ZNF318: variants seen among roughly 807,000 people sequenced by gnomAD.
ZNF318 encodes endocrine regulator.
A neutral mutation model predicts 124.2 loss-of-function variants in ZNF318; 51 were observed. The ratio of observed to expected loss-of-function variants is 0.41; its 90% CI spans 0.33 to 0.52. ZNF318 has a LOEUF of 0.52. ZNF318 is among the 20% of genes least tolerant of loss of function. The pLI is 0.23. For synonymous variants in ZNF318, 1,090 were observed against 1,040.7 expected (o/e 1.05, Z -0.91); for missense variants, 2,815 against 2,811.2 (o/e 1.00, Z -0.03).
At chr6:43,365,936 A>G (rs1779755100) in intron 1 of ZNF318, among the ~76,000 whole-genome samples, 2 of 152,194 alleles carry the variant, frequency 1.3e-5, no homozygotes, top group Admixed American at 1.3e-4. Context: ...GTGACCTCTC[A>G]TTCTTACTGG....
intron 2 of ZNF318, among the ~76,000 whole-genome samples, chr6:43,358,077 A>G (rs529644820): frequency 6.6e-6 from 1 of 152,294 alleles, no homozygotes; most frequent in African/African-American, 2.4e-5. Flanking sequence ...TTTGCTACTG[A>G]AAGTGTAGTG....
chr6:43,354,565 G>C (rs929111696), intron 4 of ZNF318, 99 bp downstream of exon 4: 28 of 1,144,900 alleles, frequency 2.4e-5, no homozygotes, highest in Admixed American at 2.3e-5. Context: ...GACTTCAAGT[G>C]AAAGAGCCTT....
intron 5 of ZNF318, among the ~76,000 whole-genome samples, chr6:43,351,486 T>C (rs1013990088): frequency 6.6e-6 from 1 of 152,094 alleles, no homozygotes; most frequent in Non-Finnish European, 1.5e-5. Flanking sequence ...AAAAGGCCAG[T>C]GCAGTGACTC....
At chr6:43,356,990 TAGA>T in intron 3 of ZNF318, 133 bp downstream of exon 3, 1 of 1,054,924 alleles carries the variant, frequency 9.5e-7, no homozygotes, top group African/African-American at 1.6e-5. Context: ...TGGAGAGTCC[TAGA>T]AGGTGTAGCT....
intron 6 of ZNF318, among the ~76,000 whole-genome samples, chr6:43,347,074 AGGATGTCAG>A (rs1359317121): frequency 1.2e-4 from 18 of 152,240 alleles, no homozygotes; most frequent in African/African-American, 3.6e-4. Context: ...GAATCAGAGA[AGGATGTCAG>A]GGAAGTAATT....
At chr6:43,364,750 A>T (rs578078700) in intron 2 of ZNF318, among the ~76,000 whole-genome samples, 1 of 152,274 alleles carries the variant, frequency 6.6e-6, no homozygotes, top group Non-Finnish European at 1.5e-5. Flanking sequence ...TCAGCACTCA[A>T]TAGTTGTAAA....
chr6:43,352,628 C>T (rs907551046), intron 4 of ZNF318, 152 bp from the exon 5 acceptor site: 18 of 672,384 alleles, frequency 2.7e-5, no homozygotes, highest in Admixed American at 1.7e-4. Flanking sequence ...AGTAATATTT[C>T]GTTCTAAGTT....
chr6:43,357,643 T>G lies in ZNF318; in HGVS notation c.671A>C (p.Tyr224Ser). ...SPFLGQLDED[Y>S]RTKETFLHRS... The stretch of plus-strand genomic sequence containing the variant: ...ATGCAGGAAAGTTTCTTTTGTTCGG[T>G]AGTCCTCATCAAGTTGTCCCAAGAA... Residue 224 changes from tyrosine to serine, a missense_variant, in exon 3 of 10, where the codon TAC becomes TCC. By Grantham distance (144) the Tyr-to-Ser change is moderately radical. Coordinates refer to ENST00000361428, the MANE Select transcript of ZNF318 (RefSeq NM_014345.3). 6.2e-7 allele frequency: 1 copy of G among 1,614,062 alleles called. No individual in the cohort carries two copies. The highest frequency in any genetic ancestry group is 8.5e-7 in the Non-Finnish European group (1 of 1,180,016).
In ZNF318 at chr6:43,357,658, T is replaced by C. The variant is rs547023194; in HGVS notation, c.656A>G (p.Gln219Arg). 6.2e-7 allele frequency: 1 copy of C among 1,614,036 alleles called. No individual in the cohort carries two copies. The highest frequency in any genetic ancestry group is 1.1e-5 in the South Asian group (1 of 91,066). ...TTTTGTTCGGTAGTCCTCATCAAGT[T>C]GTCCCAAGAAGGGACTGAGAGGCCC... is the stretch of plus-strand genomic sequence containing the variant. Reference protein sequence around the residue: ...EEGPLSPFLGQLDEDYRTKET... With the variant: ...EEGPLSPFLGRLDEDYRTKET... Residue 219 changes from glutamine (Q) to arginine (R), a missense_variant, in exon 3 of 10, where the codon CAA (glutamine) becomes CGA (arginine). Around this residue, in one of 4 missense-constraint regions of ZNF318, gnomAD observed 1,377 missense variants for 1,353.5 expected, o/e 1.02. Transcript: ENST00000361428.
At position 43,355,257 on chromosome 6, in the gene ZNF318, G is replaced by A. The variant is rs780114917; in HGVS notation, c.2077C>T (p.His693Tyr). The A allele has an allele frequency of 6.2e-7, 1 of 1,614,172 alleles. No individual in the cohort carries two copies. The highest frequency in any genetic ancestry group is 8.5e-7 in the Non-Finnish European group (1 of 1,180,028). ...HSNTHSPEVS[H>Y]PHPPSPVDPY... Reference sequence around the variant, plus strand: ...TCCACAGGAGAAGGTGGGTGTGGATGGGACACCTCTGGAGAGTGGGTATTG... The same window carrying A: ...TCCACAGGAGAAGGTGGGTGTGGATAGGACACCTCTGGAGAGTGGGTATTG... The change falls in exon 4 of 10, where the codon CAT (histidine) becomes TAT (tyrosine). Residue 693 changes from histidine to tyrosine, a missense_variant. By Grantham distance (83) the His-to-Tyr change is moderately conservative. Transcript: ENST00000361428.
rs1232827855 is a variant in ZNF318, at chr6:43,336,229, G to A, written c.*929C>T. ...TGGGAAAGGAGGAGGTAGAGGAAAGGATACATATGGGTTTGTGGAACAGGG... is the reference window on the plus strand; with the variant it reads ...TGGGAAAGGAGGAGGTAGAGGAAAGAATACATATGGGTTTGTGGAACAGGG... On this transcript the variant is annotated 3_prime_UTR_variant, in exon 10 of 10. Coordinates refer to ENST00000361428, the MANE Select transcript of ZNF318 (RefSeq NM_014345.3). 1 of 152,600 alleles carries A rather than the reference G, an allele frequency of 6.6e-6. No homozygotes were observed. Among genetic ancestry groups the A allele is most frequent in the African/African-American group, 2.4e-5 (1 of 41,428 alleles). The allele number at this position is 152,600 out of a possible 1,614,324, so 9.5% of individuals were successfully genotyped here. A position where few individuals can be genotyped will look rare whatever the true frequency, so the allele number is the denominator to read the frequency against.
Position 43,357,518 on chromosome 6 carries a change from C to T in ZNF318, c.796G>A (p.Glu266Lys). The change falls in exon 3 of 10, where the codon GAA becomes AAA. Residue 266 changes from glutamate to lysine, a missense_variant. Physicochemically the swap from Glu to Lys is moderately conservative, Grantham distance 56. Around this residue, in one of 4 missense-constraint regions of ZNF318, gnomAD observed 1,377 missense variants for 1,353.5 expected, o/e 1.02. Coordinates refer to ENST00000361428, the MANE Select transcript of ZNF318 (RefSeq NM_014345.3). ...KLKGYSIRSEERSREAKRPRY... is the reference protein window; with the variant it reads ...KLKGYSIRSEKRSREAKRPRY... ...GGTCTTTTGGCCTCCCGGCTCCTTT[C>T]TTCAGATCGTATGGAGTAGCCTTTG... 1 of 1,614,174 alleles carries T rather than the reference C, an allele frequency of 6.2e-7. No homozygotes were observed. The highest frequency in any genetic ancestry group is 8.5e-7 in the Non-Finnish European group (1 of 1,180,038).
chr6:43,369,043 C>T lies in ZNF318; in HGVS notation c.323G>A (p.Gly108Asp), dbSNP rs1779799010. ...GGCGCGGGACTCCCCCCGGCTGCTG[C>T]CTCTGAAGCCGGCCGGGCCCGGCGG... ...LFPPGPAGFR[G>D]SSRGESRADY... The change falls in exon 1 of 10, where the codon GGC (glycine) becomes GAC (aspartate). Residue 108 changes from glycine (G) to aspartate (D), a missense_variant. By Grantham distance (94) the Gly-to-Asp change is moderately conservative. This residue lies in a region of ZNF318 where 1,377 missense variants were observed against 1,353.5 expected (regional missense o/e 1.02). Transcript: ENST00000361428. 4 of 1,379,726 alleles carry T rather than the reference C, an allele frequency of 2.9e-6. No homozygotes were observed. Among genetic ancestry groups the T allele is most frequent in the African/African-American group, 1.5e-5 (1 of 66,760 alleles). The allele number at this position is 1,379,726 out of a possible 1,614,324, so 85.5% of individuals were successfully genotyped here.
intron 6 of ZNF318, among the ~76,000 whole-genome samples, chr6:43,345,945 G>A (rs1779433309): frequency 1.3e-5 from 2 of 151,998 alleles, no homozygotes; most frequent in Non-Finnish European, 2.9e-5. Flanking sequence ...GCTCATGCCT[G>A]TAATCCCAGC....
chr6:43,363,281 AC>A (rs996429682), intron 2 of ZNF318, among the ~76,000 whole-genome samples: 1 of 152,212 alleles, frequency 6.6e-6, no homozygotes, highest in African/African-American at 2.4e-5. Context: ...TACCCAGACT[AC>A]CTACTCAATA....
rs1779294235 is a variant in ZNF318, at chr6:43,337,272, C to G, written c.6726G>C (p.Arg2242Ser). The part of the protein sequence containing the change: ...PLNLVKAPVS[R>S]SPPREQVIED... Reference sequence around the variant, plus strand: ...CAATTACCTGCTCCCTTGGAGGGGACCTTGACACTGGAGCTTTAACCAAAT... The same window carrying G: ...CAATTACCTGCTCCCTTGGAGGGGAGCTTGACACTGGAGCTTTAACCAAAT... The change falls in exon 10 of 10, where the codon AGG becomes AGC. Residue 2242 changes from arginine to serine, a missense_variant. By Grantham distance (110) the Arg-to-Ser change is moderately radical. This residue lies in a region of ZNF318 where 927 missense variants were observed against 820.6 expected (regional missense o/e 1.13). Coordinates refer to ENST00000361428, the MANE Select transcript of ZNF318 (RefSeq NM_014345.3). 1.2e-6 allele frequency: 2 copies of G among 1,614,122 alleles called. No homozygotes were observed. The highest frequency in any genetic ancestry group is 4.5e-5 in the East Asian group (2 of 44,882).
chr6:43,337,624 T>C lies in ZNF318; in HGVS notation c.6374A>G (p.Gln2125Arg), dbSNP rs1200691883. The C allele has an allele frequency of 1.2e-6, 2 of 1,614,032 alleles. No homozygotes were observed. Among genetic ancestry groups the C allele is most frequent in the East Asian group, 2.2e-5 (1 of 44,892 alleles). The change falls in exon 10 of 10, where the codon CAG (glutamine) becomes CGG (arginine). Residue 2125 changes from glutamine (Q) to arginine (R), a missense_variant. By Grantham distance (43) the Gln-to-Arg change is conservative. Around this residue, in one of 4 missense-constraint regions of ZNF318, gnomAD observed 927 missense variants for 820.6 expected, o/e 1.13. Transcript: ENST00000361428. ...TCCTCCTGCTAACAGGTCAAGGGCC[T>C]GGTGTGTTCCCTCTAGGCCCCCCAA... is the stretch of plus-strand genomic sequence containing the variant. ...RGLGGLEGTH[Q>R]ALDLLAGGMM...
intron 4 of ZNF318, among the ~76,000 whole-genome samples, chr6:43,354,463 G>C (rs79768677): frequency 1.5e-4 from 23 of 152,288 alleles, no homozygotes; most frequent in African/African-American, 4.8e-4. Context: ...AGGACCCAAG[G>C]CCAGACTTTT....
At chr6:43,346,179 T>A (rs1397019394) in intron 6 of ZNF318, among the ~76,000 whole-genome samples, 1 of 87,820 alleles carries the variant, frequency 1.1e-5, no homozygotes, top group African/African-American at 4.2e-5. Flanking sequence ...AAGACTCTGT[T>A]TCAAAAAAAA....
Sources: gnomAD v4.1 joint callset for allele counts (sites outside exome capture counted in the v4.1 genomes callset) on GRCh38, gnomAD v4.1.1 for gene constraint, gnomAD v4.1.1 regional missense constraint, MANE v1.5 for transcripts, NCBI Gene and HGNC (gene_info 2026-07-23, HGNC 2026-07-21) for gene names.